The following TEX9 variants were observed in gnomAD, a reference collection of about 807,000 sequenced individuals.
TEX9 encodes testis expressed 9, also known as testis-expressed protein 9.
Under a neutral mutation model 59.6 loss-of-function variants are expected in TEX9, and 74 were observed. The ratio of observed to expected loss-of-function variants is 1.24; its 90% CI spans 1.03 to 1.51. The LOEUF is 1.51. Ranked by LOEUF, TEX9 falls within the 40% of genes most tolerant of loss-of-function variation. TEX9 has a pLI of 0.00. For synonymous variants in TEX9, 186 were observed against 152.2 expected, an observed-to-expected ratio of 1.22 and a Z score of -1.64; for missense variants, 522 against 447.8, an observed-to-expected ratio of 1.17 and a Z score of -1.49.
Position 56,269,652 on chromosome 15 carries a change from T to C in TEX9, c.-107+25374T>C, listed in dbSNP as rs59919164. On this transcript the variant is annotated intron_variant, in intron 1 of 5. Transcript: ENST00000560827. Reference sequence around the variant, plus strand: ...GGTTCTGAATGAGTTTCTTTTCTTTTCTTTTTTTTTTTTTTTTTGAGACGG... The same window carrying C: ...GGTTCTGAATGAGTTTCTTTTCTTTCCTTTTTTTTTTTTTTTTTGAGACGG... Among the ~76,000 whole-genome samples, 270 of 148,156 alleles carry C rather than the reference T, an allele frequency of 1.8e-3. 2 individuals carry two copies. Among genetic ancestry groups the C allele is most frequent in the African/African-American group, 6.7e-3 (262 of 38,960 alleles).
At position 56,343,613 on chromosome 15, in the gene TEX9, T is replaced by C. The variant is rs56197732; in HGVS notation, c.-106-29828T>C. On this transcript the variant is annotated intron_variant, in intron 1 of 5. Transcript: ENST00000560827. ...TAGTAAGAGGATATTATCAACAACTTCATACTAACAAATTTTACAATTTAG... is the reference window on the plus strand; with the variant it reads ...TAGTAAGAGGATATTATCAACAACTCCATACTAACAAATTTTACAATTTAG... Among the ~76,000 whole-genome samples, 664 of 152,168 alleles carry C rather than the reference T, an allele frequency of 4.4e-3. 12 individuals are homozygous for C. Among genetic ancestry groups the C allele is most frequent in the African/African-American group, 0.016 (648 of 41,548 alleles).
chr15:56,247,313 A>G (rs1428609431), intron 1 of TEX9, among the ~76,000 whole-genome samples: 1 of 152,242 alleles, frequency 6.6e-6, no homozygotes, highest in Non-Finnish European at 1.5e-5. Context: ...AGAGCAACAT[A>G]TTAACATATA....
At chr15:56,272,171 G>T (rs559147033) in intron 1 of TEX9, among the ~76,000 whole-genome samples, 2 of 152,068 alleles carry the variant, frequency 1.3e-5, no homozygotes, top group African/African-American at 4.8e-5. Flanking sequence ...CAATTTAGTG[G>T]TTTTTAGACT....
intron 1 of TEX9, among the ~76,000 whole-genome samples, chr15:56,354,762 T>C (rs2046654044): frequency 6.6e-6 from 1 of 152,142 alleles, no homozygotes; most frequent in African/African-American, 2.4e-5. Context: ...CTTAGAGGCA[T>C]GGAAGAAAAT....
At chr15:56,257,926 T>C (rs1197710954) in intron 1 of TEX9, among the ~76,000 whole-genome samples, 2 of 152,164 alleles carry the variant, frequency 1.3e-5, no homozygotes, top group African/African-American at 4.8e-5. Flanking sequence ...GTTTTAGGTT[T>C]TACATTGAAG....
intron 1 of TEX9, among the ~76,000 whole-genome samples, chr15:56,326,719 A>T (rs1166980240): frequency 1.3e-5 from 2 of 152,184 alleles, no homozygotes; most frequent in Non-Finnish European, 2.9e-5. Context: ...ACGCTGGGAG[A>T]TGCTGCAAAA....
intron 4 of TEX9, among the ~76,000 whole-genome samples, chr15:56,385,533 C>G (rs763394545): frequency 6.6e-6 from 1 of 152,032 alleles, no homozygotes; most frequent in Non-Finnish European, 1.5e-5. Flanking sequence ...AGAAGCTTGA[C>G]AGTGTTAAAG....
At chr15:56,244,424 A>G (rs1158434063) in intron 1 of TEX9, 1 of 152,388 alleles carries the variant, frequency 6.6e-6, no homozygotes, top group East Asian at 1.9e-4. Context: ...AAAGCCCTCC[A>G]AATCTGGCCC....
chr15:56,246,348 T>C (rs1271116045), intron 1 of TEX9, among the ~76,000 whole-genome samples: 3 of 152,084 alleles, frequency 2.0e-5, no homozygotes, highest in Non-Finnish European at 4.4e-5. Context: ...GGAGACCTTA[T>C]TGCCAGAGTG....
intron 1 of TEX9, among the ~76,000 whole-genome samples, chr15:56,337,982 G>T (rs1214730779): frequency 6.6e-6 from 1 of 152,076 alleles, no homozygotes; most frequent in Non-Finnish European, 1.5e-5. Flanking sequence ...ATCCTAAATG[G>T]TTTTTCCTTC....
At chr15:56,436,879 T>TA (rs1772901821) in intron 12 of TEX9, among the ~76,000 whole-genome samples, 4 of 152,136 alleles carry the variant, frequency 2.6e-5, no homozygotes, top group Admixed American at 2.6e-4. Flanking sequence ...CCTGGACACA[T>TA]ACACCCTCCC....
chr15:56,383,283 T>A (rs1419103364), intron 3 of TEX9, among the ~76,000 whole-genome samples: 1 of 152,126 alleles, frequency 6.6e-6, no homozygotes, highest in African/African-American at 2.4e-5. Flanking sequence ...CAGGAAGGGG[T>A]GGTGTCAGCT....
downstream of TEX9, among the ~76,000 whole-genome samples, chr15:56,450,008 T>C (rs2050937456): frequency 6.6e-6 from 1 of 152,174 alleles, no homozygotes; most frequent in Admixed American, 6.5e-5. Context: ...CTTGGCTTTA[T>C]TTGTTCTACT....
chr15:56,383,596 CATTTAGTGA>C (rs1170520881), intron 3 of TEX9, among the ~76,000 whole-genome samples: 8 of 152,154 alleles, frequency 5.3e-5, no homozygotes, highest in Non-Finnish European at 1.0e-4. Flanking sequence ...TTTTTCTACC[CATTTAGTGA>C]ATTTATTTTT....
intron 1 of TEX9, among the ~76,000 whole-genome samples, chr15:56,337,761 G>A (rs539972564): frequency 3.9e-5 from 6 of 152,308 alleles, no homozygotes; most frequent in Admixed American, 3.9e-4. Flanking sequence ...CAAGCCATGT[G>A]TAGAAAATGT....
At chr15:56,440,441 A>C (rs751714124) in intron 12 of TEX9, among the ~76,000 whole-genome samples, 1 of 152,200 alleles carries the variant, frequency 6.6e-6, no homozygotes, top group Non-Finnish European at 1.5e-5. Flanking sequence ...AGTTACCACA[A>C]AACCCAGCTA....
chr15:56,421,245 G>T (rs1412129431), intron 10 of TEX9, among the ~76,000 whole-genome samples: 1 of 151,814 alleles, frequency 6.6e-6, no homozygotes, highest in Non-Finnish European at 1.5e-5. Context: ...TTAATACCCA[G>T]TATCTAAGAA....
rs542070283 is a variant in TEX9, at chr15:56,436,369, C to G, written c.*29+7896C>G. Among the ~76,000 whole-genome samples, 5 of 152,162 alleles carry G rather than the reference C, an allele frequency of 3.3e-5. No individual in the cohort carries two copies. In the East Asian group the frequency reaches 7.7e-4, roughly 23 times the overall value. On this transcript the variant is annotated intron_variant, in intron 12 of 12. Transcript: ENST00000352903. ...TCCTGAATGACTACTGGATGCATAACGAAATGAAGGCAGAAATAAAGATGT... is the reference window on the plus strand; with the variant it reads ...TCCTGAATGACTACTGGATGCATAAGGAAATGAAGGCAGAAATAAAGATGT...
chr15:56,313,526 T>C (rs1376218707), intron 1 of TEX9, among the ~76,000 whole-genome samples: 4 of 142,672 alleles, frequency 2.8e-5, no homozygotes, highest in African/African-American at 1.0e-4. Flanking sequence ...ATAAGCTTTT[T>C]GATGTGCTGC....
Sources: allele counts gnomAD v4.1 joint callset (sites outside exome capture counted in the v4.1 genomes callset), GRCh38; gene constraint gnomAD v4.1.1; transcripts MANE v1.5; gene names NCBI Gene and HGNC (gene_info 2026-07-23, HGNC 2026-07-21).